Variants in NAPA observed in about 807,000 individuals in gnomAD.
NAPA encodes the protein alpha-soluble NSF attachment protein.
NAPA carries 18 observed loss-of-function variants against 48.0 expected under a neutral mutation model. That is an observed-to-expected ratio of 0.38 (90% CI 0.26 to 0.56). The LOEUF (loss-of-function observed/expected upper bound fraction) is 0.56, where lower values mean the gene tolerates loss of function less well. Among genes scored for constraint, NAPA ranks in the 20% least tolerant of loss-of-function variants. NAPA has a pLI of 0.77. For synonymous variants in NAPA, 152 were observed against 149.9 expected (o/e 1.01, Z -0.10); for missense variants, 315 against 385.0 (o/e 0.82, Z 1.52).
chr19:47,490,030 G>T (rs903814759), intron 9 of NAPA, among the ~76,000 whole-genome samples: 3 of 151,708 alleles, frequency 2.0e-5, no homozygotes. Flanking sequence ...GGTATGGGGG[G>T]TGTGTGTGTT....
intron 10 of NAPA, 163 bp from the exon 11 acceptor site, chr19:47,488,552 C>T (rs1413525237): frequency 7.5e-6 from 4 of 535,818 alleles, no homozygotes; most frequent in Middle Eastern, 2.9e-4. Context: ...ATGGGAGCTC[C>T]CTCTTGTCTG....
At chr19:47,513,450 T>C (rs1208493627) in intron 1 of NAPA, among the ~76,000 whole-genome samples, 1 of 152,254 alleles carries the variant, frequency 6.6e-6, no homozygotes, top group Non-Finnish European at 1.5e-5. Context: ...GTAGGTTTGA[T>C]TTGTGATCTC....
chr19:47,489,989 T>C (rs1968194938), intron 9 of NAPA, among the ~76,000 whole-genome samples: 2 of 152,010 alleles, frequency 1.3e-5, no homozygotes, highest in Admixed American at 6.6e-5. Flanking sequence ...CTTACCAACA[T>C]AGAACATCAC....
At chr19:47,498,536 A>G (rs1425159256) in intron 3 of NAPA, among the ~76,000 whole-genome samples, 1 of 152,144 alleles carries the variant, frequency 6.6e-6, no homozygotes, top group African/African-American at 2.4e-5. Context: ...CTCCCAGACC[A>G]CCCACCACCT....
chr19:47,492,518 T>G, intron 7 of NAPA: 2 of 378,158 alleles, frequency 5.3e-6, no homozygotes, highest in Non-Finnish European at 1.0e-5. Flanking sequence ...GCTGCCTGCC[T>G]TTTTCTCGGC....
At chr19:47,492,647 G>T (rs1159484624) in intron 7 of NAPA, 7 of 495,302 alleles carry the variant, frequency 1.4e-5, no homozygotes, top group Non-Finnish European at 2.7e-5. Flanking sequence ...GGGCCTCTTG[G>T]CACTTCTTCC....
At chr19:47,492,759 T>C in intron 7 of NAPA, 1 of 692,630 alleles carries the variant, frequency 1.4e-6, no homozygotes, top group South Asian at 1.5e-5. Context: ...GAGACGGTGC[T>C]GGCACGGCAT....
At chr19:47,497,382 G>C (rs1968456687) in intron 3 of NAPA, 1 of 152,576 alleles carries the variant, frequency 6.6e-6, no homozygotes, top group Admixed American at 6.5e-5. Flanking sequence ...TAGCAGCAGG[G>C]AGACAGCTTA....
intron 7 of NAPA, chr19:47,492,641 C>G (rs1488432295): frequency 8.2e-6 from 4 of 486,190 alleles, no homozygotes; most frequent in Admixed American, 2.8e-5. Context: ...CACCCTGGGC[C>G]TCTTGGCACT....
At chr19:47,500,873 A>C (rs1381992928) in intron 2 of NAPA, 124 bp from the exon 3 acceptor site, 3 of 676,814 alleles carry the variant, frequency 4.4e-6, no homozygotes, top group Non-Finnish European at 7.1e-6. Flanking sequence ...CCAAGACAGG[A>C]CGAGGGTGAC....
chr19:47,505,720 C>T (rs1358611659), intron 1 of NAPA, among the ~76,000 whole-genome samples: 2 of 152,152 alleles, frequency 1.3e-5, no homozygotes, highest in African/African-American at 4.8e-5. Context: ...CCACGGTGGG[C>T]GGGCTGGTTG....
intron 2 of NAPA, 71 bp downstream of exon 2, chr19:47,503,352 G>T: frequency 7.1e-7 from 1 of 1,411,700 alleles, no homozygotes; most frequent in Non-Finnish European, 1.0e-6. Flanking sequence ...AACCTCTCGG[G>T]CAGGCCTGTG....
At chr19:47,509,033 G>A (rs985023100) in intron 1 of NAPA, among the ~76,000 whole-genome samples, 6 of 151,916 alleles carry the variant, frequency 3.9e-5, no homozygotes, top group Non-Finnish European at 5.9e-5. Flanking sequence ...CTATGATCGC[G>A]CCACTGCCCT....
In NAPA at chr19:47,493,434, C is replaced by A; in HGVS notation, c.402G>T (p.Glu134Asp). ...HISIAEIYET[E>D]LVDIEKAIAH... is the part of the protein sequence containing the mutation. ...CACTCACCTTCTCGATGTCCACCAA[C>A]TCTGTCTCATAGATCTCAGCAATGG... is the stretch of plus-strand genomic sequence containing the variant. The change falls in exon 5 of 11, where the codon GAG becomes GAT. Residue 134 changes from glutamate (E) to aspartate (D), a missense_variant. Around this residue, in one of 3 missense-constraint regions of NAPA, gnomAD observed 173 missense variants for 213.5 expected, o/e 0.81. Transcript: ENST00000263354. The surrounding 1 kb of genome is among the most constrained non-coding windows in gnomAD (Gnocchi z 6.4). The A allele has an allele frequency of 1.9e-6, 3 of 1,614,092 alleles. No homozygotes were observed. In the African/African-American group the frequency reaches 4.0e-5, roughly 22 times the overall value.
rs906639305 is a variant in NAPA, at chr19:47,496,693, T to A, written c.296-1097A>T. On this transcript the variant is annotated intron_variant, in intron 3 of 10. Coordinates refer to ENST00000263354, the MANE Select transcript of NAPA (RefSeq NM_003827.4). ...GGGTGCTACCAAGAAGCGCCGGGGC[T>A]GGGCTCCTCTCAAGGGGCTCACGGT... 9 of 301,730 alleles carry A rather than the reference T, an allele frequency of 3.0e-5. No homozygotes were observed. The Admixed American group carries it at 3.7e-4, about 12-fold the overall frequency. The allele number at this position is 301,730 out of a possible 1,614,324, so 18.7% of individuals were successfully genotyped here.
intron 1 of NAPA, among the ~76,000 whole-genome samples, chr19:47,514,090 C>G (rs1968858751): frequency 6.6e-6 from 1 of 151,910 alleles, no homozygotes; most frequent in Non-Finnish European, 1.5e-5. Context: ...CTCAGATAAT[C>G]TGCCCACCTC....
chr19:47,503,399 G>A, intron 2 of NAPA, 24 bp downstream of exon 2: 1 of 1,606,384 alleles, frequency 6.2e-7, no homozygotes, highest in Non-Finnish European at 8.5e-7. Context: ...GCACCTTGGA[G>A]GAGCTCTAGC....
At position 47,503,433 on chromosome 19, in the gene NAPA, T is replaced by C; in HGVS notation, c.168A>G (p.Lys56=). Residue 56 remains lysine (K), a synonymous_variant, in exon 2 of 11, where the codon AAA becomes AAG. Coordinates refer to ENST00000263354, the MANE Select transcript of NAPA (RefSeq NM_003827.4). ...ARAANMFKMA[K]NWSAAGNAFC... ...GCGGAGATGACATACCACTCCAGTT[T>C]TTGGCCATTTTGAACATGTTTGCTG... is the stretch of plus-strand genomic sequence containing the variant. 1 of 1,614,064 alleles carries C rather than the reference T, an allele frequency of 6.2e-7. No individual in the cohort carries two copies. Among genetic ancestry groups the C allele is most frequent in the Non-Finnish European group, 8.5e-7 (1 of 1,179,890 alleles).
chr19:47,505,628 T>A (rs1190597092), intron 1 of NAPA: 1 of 152,166 alleles, frequency 6.6e-6, no homozygotes, highest in Non-Finnish European at 1.5e-5. Flanking sequence ...AAAAATTGAC[T>A]GAGACCGACT....
Sources: allele counts gnomAD v4.1 joint callset (sites outside exome capture counted in the v4.1 genomes callset), GRCh38; gene constraint gnomAD v4.1.1; regional missense constraint gnomAD v4.1.1; non-coding constraint Gnocchi (gnomAD v3.1); transcripts MANE v1.5; gene names NCBI Gene and HGNC (gene_info 2026-07-23, HGNC 2026-07-21).